The following PCDHA9 variants were observed in gnomAD, a reference collection of about 807,000 sequenced individuals.
PCDHA9 encodes the protein protocadherin alpha 9.
A neutral mutation model predicts 62.0 loss-of-function variants in PCDHA9; 62 were observed. The ratio of observed to expected loss-of-function variants is 1.00; its 90% confidence interval spans 0.81 to 1.23. PCDHA9 has a LOEUF of 1.23. Ranked by LOEUF, PCDHA9 falls within the 50% of genes most tolerant of loss-of-function variation. The probability of loss-of-function intolerance (pLI) is 0.00; values close to 1 mark genes in which losing one functional copy is unlikely to be tolerated. For synonymous variants in PCDHA9, 557 were observed against 567.6 expected (o/e 0.98, Z 0.27); for missense variants, 1,205 against 1,249.8 (o/e 0.96, Z 0.54).
chr5:140,968,083 G>A (rs1298667830), intron 1 of PCDHA9: 1 of 1,614,006 alleles, frequency 6.2e-7, no homozygotes, highest in Non-Finnish European at 8.5e-7. Flanking sequence ...ACATCACGGT[G>A]ACAGCCACAG....
chr5:140,859,991 A>G (rs1486965129), intron 1 of PCDHA9: 1 of 152,000 alleles, frequency 6.6e-6, no homozygotes, highest in Admixed American at 6.6e-5. Context: ...TAATCTCTCC[A>G]TCAATACTAA....
At chr5:140,891,494 C>T (rs548491891) in intron 1 of PCDHA9, among the ~76,000 whole-genome samples, 1 of 151,678 alleles carries the variant, frequency 6.6e-6, no homozygotes, top group South Asian at 2.1e-4. Flanking sequence ...TGAGCATATC[C>T]TCAGCTATAA....
chr5:140,906,702 T>C (rs1315678574), intron 1 of PCDHA9, among the ~76,000 whole-genome samples: 2 of 152,232 alleles, frequency 1.3e-5, no homozygotes, highest in African/African-American at 2.4e-5. Context: ...GGGCCATTTG[T>C]AGTCCTGCCT....
rs1207145020 is a variant in PCDHA9, at chr5:140,966,511, A to G, written c.2395-12438A>G. On this transcript the variant is annotated intron_variant, in intron 1 of 3. Coordinates refer to ENST00000532602, the MANE Select transcript of PCDHA9 (RefSeq NM_031857.2). ...CCCCTGGAGCTGTAGCGGCAGCAGC[A>G]GCAGGAAGCCGAGCCGGGTTGAGCG... The G allele has an allele frequency of 7.1e-5, 31 of 433,774 alleles. No homozygotes were observed. In the East Asian group the frequency reaches 1.1e-3, roughly 15 times the overall value. 26.9% of individuals were successfully genotyped at this position (433,774 alleles called of 1,614,324 possible). A position where few individuals can be genotyped will look rare whatever the true frequency, so the allele number is the denominator to read the frequency against.
At chr5:140,955,771 A>G (rs527455823) in intron 1 of PCDHA9, among the ~76,000 whole-genome samples, 1 of 152,168 alleles carries the variant, frequency 6.6e-6, no homozygotes, top group Admixed American at 6.5e-5. Context: ...GATTCTGTCT[A>G]TCCATGAGCA....
In PCDHA9 at chr5:140,871,676, A is replaced by G. The variant is rs141392186; in HGVS notation, c.2394+20787A>G. ...TACACATCTTCAGTCTTTTAATCAT[A>G]TGAATAATCTGGCTTCTTTAACCAA... On this transcript the variant is annotated intron_variant, in intron 1 of 3. Coordinates refer to ENST00000532602, the MANE Select transcript of PCDHA9 (RefSeq NM_031857.2). 511 of 1,133,248 alleles carry G rather than the reference A, an allele frequency of 4.5e-4. 2 individuals carry two copies. The African/African-American group carries it at 7.0e-3, about 16-fold the overall frequency. The allele number at this position is 1,133,248 out of a possible 1,614,324, so 70.2% of individuals were successfully genotyped here.
In PCDHA9 at chr5:140,980,207, CT is replaced by C. The variant is rs2096880359; in HGVS notation, c.2453+1204del. Among the ~76,000 whole-genome samples, 4 of 152,182 alleles carry C rather than the reference CT, an allele frequency of 2.6e-5. No individual in the cohort carries two copies. In the South Asian group the frequency reaches 8.3e-4, roughly 31 times the overall value. On this transcript the variant is annotated intron_variant, in intron 2 of 3. Coordinates refer to ENST00000532602, the MANE Select transcript of PCDHA9 (RefSeq NM_031857.2). ...TATATTTATTAGAGACCAACTTGTGCTTTTGCCTGCATCTGAGCTGTTGGTG... is the reference window on the plus strand; with the variant it reads ...TATATTTATTAGAGACCAACTTGTGCTTTGCCTGCATCTGAGCTGTTGGTG...
intron 1 of PCDHA9, among the ~76,000 whole-genome samples, chr5:140,917,553 T>C (rs1220066857): frequency 6.6e-6 from 1 of 152,258 alleles, no homozygotes; most frequent in African/African-American, 2.4e-5. Context: ...TACATTTAAC[T>C]CTTTAATCCA....
In PCDHA9 at chr5:140,877,673, C is replaced by T. The variant is rs1187719075; in HGVS notation, c.2394+26784C>T. The T allele has an allele frequency of 2.5e-5, 40 of 1,613,532 alleles. No individual in the cohort carries two copies. In the East Asian group the frequency reaches 8.0e-4, roughly 32 times the overall value. Reference sequence around the variant, plus strand: ...CCGCCCACCGTGAGCCGGTGCGCGCCGGGCAAGCCCACGCTGGTGTGCTCC... The same window carrying T: ...CCGCCCACCGTGAGCCGGTGCGCGCTGGGCAAGCCCACGCTGGTGTGCTCC... On this transcript the variant is annotated intron_variant, in intron 1 of 3. Transcript: ENST00000532602.
chr5:140,873,546 A>C (rs2054343070), intron 1 of PCDHA9, among the ~76,000 whole-genome samples: 2 of 151,836 alleles, frequency 1.3e-5, no homozygotes, highest in Admixed American at 1.3e-4. Context: ...TAAAATTATA[A>C]TTTCAATTTA....
At chr5:140,871,321 T>A in intron 1 of PCDHA9, 2 of 1,614,066 alleles carry the variant, frequency 1.2e-6, no homozygotes, top group Non-Finnish European at 1.7e-6. Flanking sequence ...CACGCTGGTG[T>A]GCTCCCGCGC....
chr5:140,895,021 G>T (rs956122734), intron 1 of PCDHA9, among the ~76,000 whole-genome samples: 3 of 151,838 alleles, frequency 2.0e-5, no homozygotes, highest in Non-Finnish European at 4.4e-5. Context: ...TTTTTCCTTT[G>T]TTTAATTGTC....
In PCDHA9 at chr5:140,947,881, A is replaced by G. The variant is rs191017624; in HGVS notation, c.2395-31068A>G. On this transcript the variant is annotated intron_variant, in intron 1 of 3. Transcript: ENST00000532602. ...TATAATGGCTAGGACTTCCAGGACA[A>G]TATAAACAGAAGTGGTGAGAGCAGA... 2.7e-3 allele frequency among the ~76,000 whole-genome samples: 417 copies of G among 151,684 alleles called. 2 individuals carry two copies. Among genetic ancestry groups the G allele is most frequent in the Middle Eastern group, 0.014 (4 of 294 alleles).
chr5:140,991,838 G>T (rs1056330823), intron 3 of PCDHA9, among the ~76,000 whole-genome samples: 1 of 152,110 alleles, frequency 6.6e-6, no homozygotes, highest in Non-Finnish European at 1.5e-5. Context: ...CGGCAGAACC[G>T]CACTTCCAGA....
chr5:140,882,157 C>G, intron 1 of PCDHA9: 5 of 1,504,750 alleles, frequency 3.3e-6, no homozygotes, highest in Non-Finnish European at 8.9e-7. Flanking sequence ...AAGCGGAATA[C>G]CTCTTGCGAA....
At chr5:140,943,729 A>C (rs1215938127) in intron 1 of PCDHA9, among the ~76,000 whole-genome samples, 2 of 152,256 alleles carry the variant, frequency 1.3e-5, no homozygotes, top group Non-Finnish European at 2.9e-5. Context: ...TGAGAGAATG[A>C]AAGTCCACAG....
At chr5:140,888,487 A>G (rs2061843954) in intron 1 of PCDHA9, among the ~76,000 whole-genome samples, 1 of 152,162 alleles carries the variant, frequency 6.6e-6, no homozygotes, top group Admixed American at 6.5e-5. Context: ...CTGTTGAGAA[A>G]CTCTGCTTTA....
At chr5:140,988,698 A>AT (rs782470160) in intron 3 of PCDHA9, among the ~76,000 whole-genome samples, 115 of 152,234 alleles carry the variant, frequency 7.6e-4, no homozygotes, top group Middle Eastern at 6.8e-3. Flanking sequence ...GACGCTCTGT[A>AT]TTTTCTTGGA....
Position 140,849,752 on chromosome 5 carries a change from C to G in PCDHA9, c.1257C>G (p.Ser419=), listed in dbSNP as rs2041099569. ...LDRALDRESV[S]AYELVVTARD... ...GAGCTCTGGACCGCGAGAGTGTGTCCGCCTACGAGCTGGTGGTTACCGCGC... is the reference window on the plus strand; with the variant it reads ...GAGCTCTGGACCGCGAGAGTGTGTCGGCCTACGAGCTGGTGGTTACCGCGC... The change falls in exon 1 of 4, where the codon TCC becomes TCG. Residue 419 remains serine (S), a synonymous_variant. Coordinates refer to ENST00000532602, the MANE Select transcript of PCDHA9 (RefSeq NM_031857.2). The G allele has an allele frequency of 3.1e-6, 5 of 1,598,274 alleles. No individual in the cohort carries two copies. The highest frequency in any genetic ancestry group is 3.4e-5 in the Admixed American group (2 of 59,258).
Sources: allele counts gnomAD v4.1 joint callset (sites outside exome capture counted in the v4.1 genomes callset), GRCh38; gene constraint gnomAD v4.1.1; transcripts MANE v1.5; gene names NCBI Gene and HGNC (gene_info 2026-07-23, HGNC 2026-07-21).